The following EVX2 variants were observed in gnomAD, a reference collection of about 807,000 sequenced individuals.
EVX2 encodes homeobox even-skipped homolog protein 2.
In EVX2, 10 loss-of-function variants were observed where a neutral mutation model predicts 19.2. The ratio of observed to expected loss-of-function variants is 0.52; its 90% CI spans 0.32 to 0.89. The LOEUF (loss-of-function observed/expected upper bound fraction) is 0.89, where lower values mean the gene tolerates loss of function less well. Ranked by LOEUF, EVX2 falls within the 40% of genes least tolerant of loss-of-function variation. The pLI is 0.03. For missense variants in EVX2, 710 were observed against 694.9 expected (o/e 1.02, Z -0.24); for synonymous variants, 354 against 328.4 (o/e 1.08, Z -0.84).
In EVX2 at chr2:176,080,641, A is replaced by AGCCGCG. The variant is rs1689133410; in HGVS notation, c.891_896dup (p.Ala300_Ala301dup). The AGCCGCG allele has an allele frequency of 6.4e-7, 1 of 1,552,800 alleles. No homozygotes were observed. Among genetic ancestry groups the AGCCGCG allele is most frequent in the Non-Finnish European group, 8.6e-7 (1 of 1,158,914 alleles). ...CCGCGGCCGCCGCGCCTGAGGCTGC[A>AGCCGCG]GCCGCGGCCGCCGCCGCCGTGACGC... On this transcript the variant is annotated inframe_insertion, in exon 3 of 3. Transcript: ENST00000308618. The surrounding 1 kb of genome is among the most constrained non-coding windows in gnomAD (Gnocchi z 7.0).
rs373960757 is a variant in EVX2 at position 176,080,689 on chromosome 2, C to T, written c.849G>A (p.Pro283=). Residue 283 remains proline, a synonymous_variant, in exon 3 of 3, where the codon CCG becomes CCA. Coordinates refer to ENST00000308618, the MANE Select transcript of EVX2 (RefSeq NM_001080458.2). The surrounding 1 kb of genome is among the most constrained non-coding windows in gnomAD (Gnocchi z 7.0). ...SLPYPFHSHV[P]LHYYPHVGVT... ...CGCCCACGTGCGGGTAGTAGTGCAG[C>T]GGCACGTGCGAGTGGAAGGGGTAGG... 1.3e-4 allele frequency: 201 copies of T among 1,601,064 alleles called. No individual in the cohort carries two copies. Among genetic ancestry groups the T allele is most frequent in the Non-Finnish European group, 1.6e-4 (193 of 1,178,312 alleles).
rs939596221 is a variant in EVX2, at chr2:176,081,304, C to T, written c.700-466G>A. 1.3e-5 allele frequency among the ~76,000 whole-genome samples: 2 copies of T among 152,166 alleles called. No individual in the cohort carries two copies. Among genetic ancestry groups the T allele is most frequent in the African/African-American group, 4.8e-5 (2 of 41,440 alleles). On this transcript the variant is annotated intron_variant, in intron 2 of 2. Transcript: ENST00000308618. This position sits in a 1 kb window ranked among gnomAD's most constrained non-coding sequence, Gnocchi z 5.9. ...GCCCTCCGAACTGCAAGGACCTGCC[C>T]CTAGGGGCACGGGTCCGATTTTGAT...
In EVX2 at chr2:176,082,287, C is replaced by T. The variant is rs1216336490; in HGVS notation, c.590G>A (p.Arg197His). ...QVRRYRTAFT[R>H]EQIARLEKEF... ...CTTCTCCAGGCGCGCGATCTGCTCG[C>T]GGGTGAACGCCGTACGGTAGCGCCG... The change falls in exon 2 of 3, where the codon CGC (arginine) becomes CAC (histidine). Residue 197 changes from arginine to histidine, a missense_variant. Arg to His is a conservative substitution (Grantham distance 29, BLOSUM62 0). Coordinates refer to ENST00000308618, the MANE Select transcript of EVX2 (RefSeq NM_001080458.2). The surrounding 1 kb of genome is among the most constrained non-coding windows in gnomAD (Gnocchi z 5.2). The T allele has an allele frequency of 1.2e-6, 2 of 1,601,684 alleles. No individual in the cohort carries two copies. The highest frequency in any genetic ancestry group is 1.3e-5 in the African/African-American group (1 of 74,982).
rs964803041 is a variant in EVX2 at position 176,081,805 on chromosome 2, G to A, written c.699+373C>T. Among the ~76,000 whole-genome samples, 25 of 152,280 alleles carry A rather than the reference G, an allele frequency of 1.6e-4. No homozygotes were observed. In the Middle Eastern group the frequency reaches 0.01, roughly 62 times the overall value. On this transcript the variant is annotated intron_variant, in intron 2 of 2. Coordinates refer to ENST00000308618, the MANE Select transcript of EVX2 (RefSeq NM_001080458.2). The surrounding 1 kb of genome is among the most constrained non-coding windows in gnomAD (Gnocchi z 5.9). ...GCGGAAAATAAATCTCCAAGCTCAA[G>A]AGCAAATGAAAAGTTTCACCTCTGG... is the stretch of plus-strand genomic sequence containing the variant.
rs1265722957 is a variant in EVX2, at chr2:176,082,327, C to T, written c.550G>A (p.Gly184Ser). The T allele has an allele frequency of 2.5e-6, 4 of 1,597,320 alleles. No individual in the cohort carries two copies. In the South Asian group the frequency reaches 4.4e-5, roughly 18 times the overall value. ...GSAALGGSGS[G>S]ADQVRRYRTA... The stretch of plus-strand genomic sequence containing the variant: ...CGGTAGCGCCGCACTTGATCCGCGC[C>T]AGAGCCGGAGCCACCCAGCGCCGCG... Residue 184 changes from glycine to serine, a missense_variant, in exon 2 of 3, where the codon GGC (glycine) becomes AGC (serine). Gly to Ser is a moderately conservative substitution (Grantham distance 56). Transcript: ENST00000308618. This position sits in a 1 kb window ranked among gnomAD's most constrained non-coding sequence, Gnocchi z 5.2.
Position 176,081,524 on chromosome 2 carries a change from A to AT in EVX2, c.699+653dup, listed in dbSNP as rs1407200298. Among the ~76,000 whole-genome samples the AT allele has an allele frequency of 6.6e-6, 1 of 151,866 alleles. No individual in the cohort carries two copies. Among genetic ancestry groups the AT allele is most frequent in the Non-Finnish European group, 1.5e-5 (1 of 67,948 alleles). On this transcript the variant is annotated intron_variant, in intron 2 of 2. Coordinates refer to ENST00000308618, the MANE Select transcript of EVX2 (RefSeq NM_001080458.2). This position sits in a 1 kb window ranked among gnomAD's most constrained non-coding sequence, Gnocchi z 5.9. ...CACACTCCTCCCCTACCCCGTGGAG[A>AT]TTTTTTCTTTTTTCTGCAGTGTCGA...
In EVX2 at chr2:176,082,089, A is replaced by T; in HGVS notation, c.699+89T>A. On this transcript the variant is annotated intron_variant, in intron 2 of 2. Coordinates refer to ENST00000308618, the MANE Select transcript of EVX2 (RefSeq NM_001080458.2). This position sits in a 1 kb window ranked among gnomAD's most constrained non-coding sequence, Gnocchi z 5.2. ...GATTTCCAGACCCTTAGCTAAATCT[A>T]GCCACCCAGAAAGGGGAAAGGGGAA... is the stretch of plus-strand genomic sequence containing the variant. 2.9e-6 allele frequency: 4 copies of T among 1,384,338 alleles called. No individual in the cohort carries two copies. The highest frequency in any genetic ancestry group is 3.8e-6 in the Non-Finnish European group (4 of 1,052,726). 85.8% of individuals were successfully genotyped at this position (1,384,338 alleles called of 1,614,324 possible).
In EVX2 at chr2:176,083,568, T is replaced by A; in HGVS notation, c.209A>T (p.Lys70Ile). ...GTTGAACAAAGTGTCTATTTCGAAT[T>A]TGCCCTTGGCGGGGAGTTCTCCCAG... ...SALGELPAKG[K>I]FEIDTLFNLQ... is the part of the protein sequence containing the mutation. Residue 70 changes from lysine to isoleucine, a missense_variant, in exon 1 of 3, where the codon AAA (lysine) becomes ATA (isoleucine). Coordinates refer to ENST00000308618, the MANE Select transcript of EVX2 (RefSeq NM_001080458.2). This position sits in a 1 kb window ranked among gnomAD's most constrained non-coding sequence, Gnocchi z 4.4. 6.2e-7 allele frequency: 1 copy of A among 1,614,086 alleles called. No homozygotes were observed. The highest frequency in any genetic ancestry group is 1.1e-5 in the South Asian group (1 of 91,066).
Position 176,080,362 on chromosome 2 carries a change from G to A in EVX2, c.1176C>T (p.Cys392=), listed in dbSNP as rs745509362. The A allele has an allele frequency of 1.5e-5, 19 of 1,238,842 alleles. No individual in the cohort carries two copies. In the South Asian group the frequency reaches 3.3e-4, roughly 22 times the overall value. 76.7% of individuals were successfully genotyped at this position (1,238,842 alleles called of 1,614,324 possible). ...CTGCCGCCGCCGACTGACTGCTGTG[G>A]CAACTGAGGCACGAGCAGGGTGCAG... The part of the protein sequence containing the change: ...GGSAPCSCLS[C]HSSQSAAAAA... Residue 392 remains cysteine, a synonymous_variant, in exon 3 of 3, where the codon TGC becomes TGT. Coordinates refer to ENST00000308618, the MANE Select transcript of EVX2 (RefSeq NM_001080458.2). This position sits in a 1 kb window ranked among gnomAD's most constrained non-coding sequence, Gnocchi z 7.0.
In EVX2 at chr2:176,080,490, C is replaced by T. The variant is rs775666504; in HGVS notation, c.1048G>A (p.Ala350Thr). ...HPGLYQAPAA[A>T]AGLNSAASAA... ...GAGGCCGCGCTGTTGAGCCCCGCGG[C>T]GGCCGCGGGAGCCTGGTAGAGACCA... The change falls in exon 3 of 3, where the codon GCC becomes ACC. Residue 350 changes from alanine to threonine, a missense_variant. Ala to Thr is a moderately conservative substitution (Grantham distance 58). Coordinates refer to ENST00000308618, the MANE Select transcript of EVX2 (RefSeq NM_001080458.2). The surrounding 1 kb of genome is among the most constrained non-coding windows in gnomAD (Gnocchi z 7.0). 41 of 1,340,006 alleles carry T rather than the reference C, an allele frequency of 3.1e-5. No individual in the cohort carries two copies. Among genetic ancestry groups the T allele is most frequent in the Non-Finnish European group, 1.9e-6 (2 of 1,051,002 alleles). 83.0% of individuals were successfully genotyped at this position (1,340,006 alleles called of 1,614,324 possible).
chr2:176,081,583 C>T lies in EVX2; in HGVS notation c.699+595G>A, dbSNP rs1488701943. Among the ~76,000 whole-genome samples, 2 of 152,138 alleles carry T rather than the reference C, an allele frequency of 1.3e-5. No individual in the cohort carries two copies. Among genetic ancestry groups the T allele is most frequent in the African/African-American group, 2.4e-5 (1 of 41,422 alleles). On this transcript the variant is annotated intron_variant, in intron 2 of 2. Transcript: ENST00000308618. The surrounding 1 kb of genome is among the most constrained non-coding windows in gnomAD (Gnocchi z 5.9). ...TGAAGGGCTCACCAAATCGCCTAACCTCCCGGCTATCTCTCCCAGACGTAT... is the reference window on the plus strand; with the variant it reads ...TGAAGGGCTCACCAAATCGCCTAACTTCCCGGCTATCTCTCCCAGACGTAT...
At position 176,078,380 on chromosome 2, in the gene EVX2, C is replaced by T. The variant is rs146601945; in HGVS notation, c.*1727G>A. On this transcript the variant is annotated 3_prime_UTR_variant, in exon 3 of 3. Coordinates refer to ENST00000308618, the MANE Select transcript of EVX2 (RefSeq NM_001080458.2). The stretch of plus-strand genomic sequence containing the variant: ...TACACGTACACACACATACCCACTT[C>T]GCTGGGTCTAAACATGCACTAGCAA... The T allele has an allele frequency of 2.2e-4, 33 of 152,286 alleles. No individual in the cohort carries two copies. The highest frequency in any genetic ancestry group is 5.5e-4 in the African/African-American group (23 of 41,576). 9.4% of individuals were successfully genotyped at this position (152,286 alleles called of 1,614,324 possible).
In EVX2 at chr2:176,080,714, G is replaced by A. The variant is rs1196657544; in HGVS notation, c.824C>T (p.Pro275Leu). 3.1e-6 allele frequency: 5 copies of A among 1,606,444 alleles called. No homozygotes were observed. The highest frequency in any genetic ancestry group is 4.2e-6 in the Non-Finnish European group (5 of 1,179,480). Residue 275 changes from proline (P) to leucine (L), a missense_variant, in exon 3 of 3, where the codon CCC becomes CTC. By Grantham distance (98) the Pro-to-Leu change is moderately conservative (BLOSUM62 -3). Transcript: ENST00000308618. This position sits in a 1 kb window ranked among gnomAD's most constrained non-coding sequence, Gnocchi z 7.0. Reference protein sequence around the residue: ...MTHAAATGSLPYPFHSHVPLH... With the variant: ...MTHAAATGSLLYPFHSHVPLH... ...CGGCACGTGCGAGTGGAAGGGGTAG[G>A]GCAGGCTTCCGGTGGCGGCCGCGTG...
Position 176,080,281 on chromosome 2 carries a change from ACCGCCG to A in EVX2, c.1251_1256del (p.Gly427_Gly428del). ...CCCCGCCGCCGCCGCCACCACCACC[ACCGCCG>A]CCGCCACCGCCACCCCGGGAACCCA... On this transcript the variant is annotated inframe_deletion, in exon 3 of 3. Transcript: ENST00000308618. This position sits in a 1 kb window ranked among gnomAD's most constrained non-coding sequence, Gnocchi z 7.0. 1 of 1,267,588 alleles carries A rather than the reference ACCGCCG, an allele frequency of 7.9e-7. No homozygotes were observed. The highest frequency in any genetic ancestry group is 1.0e-6 in the Non-Finnish European group (1 of 1,000,018). The allele number at this position is 1,267,588 out of a possible 1,614,324, so 78.5% of individuals were successfully genotyped here.
Position 176,082,915 on chromosome 2 carries a change from A to T in EVX2, c.427+435T>A, listed in dbSNP as rs577833034. Reference sequence around the variant, plus strand: ...TTTCAACTCTTTCTCCCGCTGACCTAAACAGAGACGCCGGCGAGGCTTCCT... The same window carrying T: ...TTTCAACTCTTTCTCCCGCTGACCTTAACAGAGACGCCGGCGAGGCTTCCT... On this transcript the variant is annotated intron_variant, in intron 1 of 2. Transcript: ENST00000308618. The surrounding 1 kb of genome is among the most constrained non-coding windows in gnomAD (Gnocchi z 5.2). 3.5e-4 allele frequency among the ~76,000 whole-genome samples: 54 copies of T among 152,336 alleles called. No homozygotes were observed. The highest frequency in any genetic ancestry group is 3.5e-3 in the Admixed American group (53 of 15,310).
In EVX2 at chr2:176,079,986, CG is replaced by C. The variant is rs1689105451; in HGVS notation, c.*120del. 3 of 1,177,380 alleles carry C rather than the reference CG, an allele frequency of 2.5e-6. No homozygotes were observed. Among genetic ancestry groups the C allele is most frequent in the Non-Finnish European group, 3.3e-6 (3 of 921,130 alleles). The allele number at this position is 1,177,380 out of a possible 1,614,324, so 72.9% of individuals were successfully genotyped here. A position where few individuals can be genotyped will look rare whatever the true frequency, so the allele number is the denominator to read the frequency against. On this transcript the variant is annotated 3_prime_UTR_variant, in exon 3 of 3. Transcript: ENST00000308618. This position sits in a 1 kb window ranked among gnomAD's most constrained non-coding sequence, Gnocchi z 4.4. The stretch of plus-strand genomic sequence containing the variant: ...AGGTTCCCTTCGGCCTCCCGCGCCC[CG>C]GGGCGCCCCCTGGCGGCAGCGGCAG...
In EVX2 at chr2:176,080,332, C is replaced by T; in HGVS notation, c.1206G>A (p.Ala402=). Residue 402 remains alanine, a synonymous_variant, in exon 3 of 3, where the codon GCG becomes GCA. Coordinates refer to ENST00000308618, the MANE Select transcript of EVX2 (RefSeq NM_001080458.2). The surrounding 1 kb of genome is among the most constrained non-coding windows in gnomAD (Gnocchi z 7.0). ...CHSSQSAAAA[A]AAAAAALGSR... ...AACCCAGGGCTGCGGCAGCTGCTGC[C>T]GCGGCTGCCGCCGCCGACTGACTGC... is the stretch of plus-strand genomic sequence containing the variant. The T allele has an allele frequency of 3.1e-6, 4 of 1,280,980 alleles. No individual in the cohort carries two copies. Among genetic ancestry groups the T allele is most frequent in the South Asian group, 1.9e-5 (1 of 53,344 alleles). 79.4% of individuals were successfully genotyped at this position (1,280,980 alleles called of 1,614,324 possible). A position where few individuals can be genotyped will look rare whatever the true frequency, so the allele number is the denominator to read the frequency against.
rs1241542747 is a variant in EVX2 at position 176,083,726 on chromosome 2, G to A, written c.51C>T (p.His17=). ...KEMILMERGL[H]SPTAGKRFSN... The stretch of plus-strand genomic sequence containing the variant: ...AGAATCTCTTGCCCGCCGTAGGGCT[G>A]TGCAGCCCTCTCTCCATCAGAATCA... Residue 17 remains histidine (H), a synonymous_variant, in exon 1 of 3, where the codon CAC becomes CAT. Transcript: ENST00000308618. This position sits in a 1 kb window ranked among gnomAD's most constrained non-coding sequence, Gnocchi z 4.4. 1 of 1,613,748 alleles carries A rather than the reference G, an allele frequency of 6.2e-7. No homozygotes were observed. The highest frequency in any genetic ancestry group is 2.2e-5 in the East Asian group (1 of 44,868).
chr2:176,083,623 G>T lies in EVX2; in HGVS notation c.154C>A (p.Arg52Ser). 1 of 1,614,186 alleles carries T rather than the reference G, an allele frequency of 6.2e-7. No homozygotes were observed. Among genetic ancestry groups the T allele is most frequent in the East Asian group, 2.2e-5 (1 of 44,882 alleles). ...NSQHPARLSP[R>S]LPSAPLHSAL... ...CTGTGCAGGGGGGCAGACGGCAGGC[G>T]CGGGCTTAGGCGAGCCGGGTGCTGC... is the stretch of plus-strand genomic sequence containing the variant. Residue 52 changes from arginine to serine, a missense_variant, in exon 1 of 3, where the codon CGC (arginine) becomes AGC (serine). Transcript: ENST00000308618. The surrounding 1 kb of genome is among the most constrained non-coding windows in gnomAD (Gnocchi z 4.4).
Sources: allele counts gnomAD v4.1 joint callset (sites outside exome capture counted in the v4.1 genomes callset), GRCh38; gene constraint gnomAD v4.1.1; non-coding constraint Gnocchi (gnomAD v3.1); transcripts MANE v1.5; gene names NCBI Gene and HGNC (gene_info 2026-07-23, HGNC 2026-07-21).